CYP2R1: variants seen among roughly 807,000 people sequenced by gnomAD.
CYP2R1 encodes the protein vitamin D 25-hydroxylase.
Under a neutral mutation model 45.7 loss-of-function variants are expected in CYP2R1, and 40 were observed. The ratio of observed to expected loss-of-function variants is 0.87; its 90% CI spans 0.68 to 1.14. The LOEUF (loss-of-function observed/expected upper bound fraction) is 1.14, where lower values mean the gene tolerates loss of function less well. Among genes scored for constraint, CYP2R1 ranks in the 50% most tolerant of loss-of-function variants. The pLI is 0.00. For synonymous variants in CYP2R1, 234 were observed against 219.3 expected (o/e 1.07, Z -0.59); for missense variants, 605 against 602.6 (o/e 1.00, Z -0.04).
At chr11:14,889,723 A>G (rs1590232788) in intron 1 of CYP2R1, among the ~76,000 whole-genome samples, 2 of 152,222 alleles carry the variant, frequency 1.3e-5, no homozygotes, top group East Asian at 3.8e-4. Context: ...TTCAGTTCAA[A>G]TATTTATATA....
chr11:14,879,498 G>A, intron 3 of CYP2R1, 55 bp from the exon 4 acceptor site: 1 of 1,357,982 alleles, frequency 7.4e-7, no homozygotes, highest in South Asian at 1.2e-5. Context: ...TATACCTAAA[G>A]TTATTTCCCT....
intron 1 of CYP2R1, chr11:14,886,841 A>C (rs1477064429): frequency 1.3e-5 from 2 of 152,304 alleles, no homozygotes; most frequent in African/African-American, 2.4e-5. Context: ...CAGGAGGCTT[A>C]GCAGAGAACA....
Position 14,892,153 on chromosome 11 carries a change from A to G in CYP2R1, c.53T>C (p.Leu18Pro), listed in dbSNP as rs2134122481. The G allele has an allele frequency of 6.2e-7, 1 of 1,611,038 alleles. No individual in the cohort carries two copies. Among genetic ancestry groups the G allele is most frequent in the Non-Finnish European group, 8.5e-7 (1 of 1,179,738 alleles). The change falls in exon 1 of 5, where the codon CTC becomes CCC. Residue 18 changes from leucine (L) to proline (P), a missense_variant. Physicochemically the swap from Leu to Pro is moderately conservative, Grantham distance 98. Coordinates refer to ENST00000334636, the MANE Select transcript of CYP2R1 (RefSeq NM_024514.5). ...CCCTAGCGCGAAGAGCAGCAGGAAG[A>G]GCGCGCCGCCGAGCGCCGCCGCGCC... ...EEGAAALGGA[L>P]FLLLFALGVR...
rs1265888202 is a variant in CYP2R1, at chr11:14,883,783, C to T, written c.367+1993G>A. ...TGGGAGAAAATTTTTGCAACCTACT[C>T]ATCTGACAAAGGGCTAATATCCAGA... On this transcript the variant is annotated intron_variant, in intron 2 of 4. Coordinates refer to ENST00000334636, the MANE Select transcript of CYP2R1 (RefSeq NM_024514.5). Among the ~76,000 whole-genome samples the T allele has an allele frequency of 5.8e-4, 88 of 152,250 alleles. 1 individual carries two copies. The highest frequency in any genetic ancestry group is 7.8e-4 in the Non-Finnish European group (53 of 68,014).
intron 2 of CYP2R1, 85 bp downstream of exon 2, chr11:14,885,691 C>A: frequency 7.1e-7 from 1 of 1,399,498 alleles, no homozygotes; most frequent in Non-Finnish European, 1.0e-6. Flanking sequence ...ATAAAATAAT[C>A]CCAACTGTAT....
intron 1 of CYP2R1, 174 bp from the exon 2 acceptor site, chr11:14,886,091 C>A: frequency 3.1e-6 from 2 of 640,174 alleles, no homozygotes; most frequent in South Asian, 1.8e-5. Context: ...ATAAGGCATG[C>A]AAAACTGTGT....
chr11:14,890,983 TTCTC>T, intron 1 of CYP2R1: 1 of 985,432 alleles, frequency 1.0e-6, no homozygotes, highest in Non-Finnish European at 1.2e-6. Context: ...GAGATTAGTT[TTCTC>T]TCTCCCACTC....
In CYP2R1 at chr11:14,881,965, T is replaced by A. The variant is rs562333926; in HGVS notation, c.368-1197A>T. ...GTCACATTCTCTTGTGTACATGAGGTACACACAAAATTTACATTCCAACAA... is the reference window on the plus strand; with the variant it reads ...GTCACATTCTCTTGTGTACATGAGGAACACACAAAATTTACATTCCAACAA... On this transcript the variant is annotated intron_variant, in intron 2 of 4. Coordinates refer to ENST00000334636, the MANE Select transcript of CYP2R1 (RefSeq NM_024514.5). 6.6e-4 allele frequency among the ~76,000 whole-genome samples: 101 copies of A among 152,260 alleles called. 1 individual carries two copies. Among genetic ancestry groups the A allele is most frequent in the African/African-American group, 2.4e-3 (100 of 41,556 alleles).
chr11:14,878,795 A>G (rs1032540240), intron 4 of CYP2R1, among the ~76,000 whole-genome samples: 1 of 152,104 alleles, frequency 6.6e-6, no homozygotes, highest in Non-Finnish European at 1.5e-5. Context: ...TTAAGTGACT[A>G]TATCTTTTCC....
intron 2 of CYP2R1, among the ~76,000 whole-genome samples, chr11:14,882,811 A>G (rs985596740): frequency 2.6e-5 from 4 of 152,224 alleles, no homozygotes; most frequent in Admixed American, 6.5e-5. Context: ...AATCTCCTTA[A>G]GCTGATAAGC....
chr11:14,891,241 C>A lies in CYP2R1; in HGVS notation c.225+740G>T, dbSNP rs797030443. On this transcript the variant is annotated intron_variant, in intron 1 of 4. Transcript: ENST00000334636. ...CGCAGAATGAGGAGGAGCGAAGTACCGACCTCACCGGCTGGTTATGAGTTT... is the reference window on the plus strand; with the variant it reads ...CGCAGAATGAGGAGGAGCGAAGTACAGACCTCACCGGCTGGTTATGAGTTT... The A allele has an allele frequency of 1.7e-5, 17 of 984,844 alleles. No individual in the cohort carries two copies. The African/African-American group carries it at 2.3e-4, about 13-fold the overall frequency. 61.0% of individuals were successfully genotyped at this position (984,844 alleles called of 1,614,324 possible).
intron 1 of CYP2R1, chr11:14,887,539 TTTGA>T: frequency 1.1e-6 from 1 of 928,276 alleles, no homozygotes; most frequent in East Asian, 1.2e-4. Context: ...TTATATATTC[TTTGA>T]TTTATTCAAT....
chr11:14,887,754 T>C (rs1188556342), intron 1 of CYP2R1: 5 of 389,942 alleles, frequency 1.3e-5, no homozygotes, highest in Non-Finnish European at 1.7e-5. Context: ...GCCCAGGACT[T>C]TGCAGTCACC....
intron 2 of CYP2R1, among the ~76,000 whole-genome samples, chr11:14,883,183 C>T (rs1848462016): frequency 6.6e-6 from 1 of 151,820 alleles, no homozygotes; most frequent in African/African-American, 2.4e-5. Context: ...GAAAAAACTA[C>T]TTTAAAGTTC....
In CYP2R1 at chr11:14,891,124, C is replaced by T. The variant is rs549439982; in HGVS notation, c.225+857G>A. ...TCTGTCCCAGGACCCGTGGAAACTC[C>T]TGCCCCCTCCGGACGTCGGGACACC... On this transcript the variant is annotated intron_variant, in intron 1 of 4. Coordinates refer to ENST00000334636, the MANE Select transcript of CYP2R1 (RefSeq NM_024514.5). 2.1e-5 allele frequency: 21 copies of T among 985,476 alleles called. No homozygotes were observed. The East Asian group carries it at 1.7e-3, about 80-fold the overall frequency. 61.0% of individuals were successfully genotyped at this position (985,476 alleles called of 1,614,324 possible). A position where few individuals can be genotyped will look rare whatever the true frequency, so the allele number is the denominator to read the frequency against.
chr11:14,888,647 A>G (rs560250049), intron 1 of CYP2R1, among the ~76,000 whole-genome samples: 4 of 152,194 alleles, frequency 2.6e-5, no homozygotes, highest in South Asian at 2.1e-4. Context: ...ATTTAACACT[A>G]TCTTGAACCA....
intron 2 of CYP2R1, among the ~76,000 whole-genome samples, chr11:14,884,600 G>A (rs1555013705): frequency 1.3e-5 from 2 of 151,458 alleles, no homozygotes; most frequent in African/African-American, 4.9e-5. Context: ...GTTAATGGGT[G>A]CAGCATACCA....
intron 1 of CYP2R1, chr11:14,891,689 A>C (rs1350071338): frequency 1.1e-5 from 13 of 1,190,374 alleles, no homozygotes; most frequent in Non-Finnish European, 1.4e-5. Context: ...CAAACGGCGC[A>C]GGCGCAGGAG....
At chr11:14,885,459 G>T (rs570963893) in intron 2 of CYP2R1, among the ~76,000 whole-genome samples, 2 of 152,216 alleles carry the variant, frequency 1.3e-5, no homozygotes, top group East Asian at 3.9e-4. Context: ...GGTTCAAAAG[G>T]GCACTTCGGA....
Sources: allele counts gnomAD v4.1 joint callset (sites outside exome capture counted in the v4.1 genomes callset), GRCh38; gene constraint gnomAD v4.1.1; transcripts MANE v1.5; gene names NCBI Gene and HGNC (gene_info 2026-07-23, HGNC 2026-07-21).